METTL25: variants seen among roughly 807,000 people sequenced by gnomAD.
The protein encoded by METTL25 is probable methyltransferase-like protein 25.
METTL25 carries 64 observed loss-of-function variants against 71.6 expected under a neutral mutation model. The ratio of observed to expected loss-of-function variants is 0.89; its 90% CI spans 0.73 to 1.10. The LOEUF is 1.10. Among genes scored for constraint, METTL25 ranks in the 50% least tolerant of loss-of-function variants. The pLI, the probability that METTL25 is intolerant of heterozygous loss-of-function variation, is 0.00. For synonymous variants in METTL25, 287 were observed against 250.3 expected, an observed-to-expected ratio of 1.15 and a Z score of -1.38; for missense variants, 807 against 707.0, an observed-to-expected ratio of 1.14 and a Z score of -1.60.
At chr12:82,378,360 C>CA (rs1298849902) in intron 1 of METTL25, among the ~76,000 whole-genome samples, 3 of 152,056 alleles carry the variant, frequency 2.0e-5, no homozygotes, top group African/African-American at 7.3e-5. Context: ...CACATCATTA[C>CA]AAAAACTAAG....
At chr12:82,380,500 T>A (rs1884336005) in intron 1 of METTL25, among the ~76,000 whole-genome samples, 1 of 152,186 alleles carries the variant, frequency 6.6e-6, no homozygotes, top group Admixed American at 6.6e-5. Context: ...TGTATATGTG[T>A]ATATATGTAT....
At position 82,399,268 on chromosome 12, in the gene METTL25, A is replaced by G; in HGVS notation, c.1005A>G (p.Glu335=). 1 of 1,613,834 alleles carries G rather than the reference A, an allele frequency of 6.2e-7. No homozygotes were observed. Among genetic ancestry groups the G allele is most frequent in the African/African-American group, 1.3e-5 (1 of 75,056 alleles). ...CTTCACAGCAAATACCCAACAGAGAAACATCTGAAGCCAATAAAGAGAGAA... is the reference window on the plus strand; with the variant it reads ...CTTCACAGCAAATACCCAACAGAGAGACATCTGAAGCCAATAAAGAGAGAA... The part of the protein sequence containing the change: ...PTSSQQIPNR[E]TSEANKERRK... The change falls in exon 4 of 12, where the codon GAA becomes GAG. Residue 335 remains glutamate, a synonymous_variant. Transcript: ENST00000248306.
chr12:82,418,070 G>A (rs552193948), intron 5 of METTL25, among the ~76,000 whole-genome samples: 5 of 152,250 alleles, frequency 3.3e-5, no homozygotes, highest in East Asian at 3.9e-4. Context: ...GGAAGGTGGC[G>A]ATAGTGCAGA....
chr12:82,429,181 C>T (rs1181519006), intron 5 of METTL25, among the ~76,000 whole-genome samples: 1 of 151,610 alleles, frequency 6.6e-6, no homozygotes, highest in African/African-American at 2.4e-5. Flanking sequence ...ATCTACCTCT[C>T]TTCATCTACC....
At chr12:82,472,891 T>G (rs1892651651) in intron 9 of METTL25, among the ~76,000 whole-genome samples, 4 of 152,200 alleles carry the variant, frequency 2.6e-5, no homozygotes, top group Admixed American at 2.6e-4. Flanking sequence ...CTTTTTCATG[T>G]TTGATGTGTC....
chr12:82,367,858 A>G (rs1253813833), intron 1 of METTL25, among the ~76,000 whole-genome samples: 1 of 152,092 alleles, frequency 6.6e-6, no homozygotes, highest in Non-Finnish European at 1.5e-5. Context: ...AAGAATATGG[A>G]TTTTAGTGTC....
chr12:82,419,213 C>T (rs1311350187), intron 5 of METTL25, among the ~76,000 whole-genome samples: 1 of 151,880 alleles, frequency 6.6e-6, no homozygotes, highest in Non-Finnish European at 1.5e-5. Flanking sequence ...AAAAAAAATG[C>T]CACAAAGAAC....
chr12:82,426,382 G>A (rs1273159255), intron 5 of METTL25, among the ~76,000 whole-genome samples: 1 of 152,056 alleles, frequency 6.6e-6, no homozygotes, highest in Non-Finnish European at 1.5e-5. Context: ...GTGTTTTCCT[G>A]TAGCTTTGAG....
chr12:82,439,080 C>A, intron 8 of METTL25: 2 of 196,140 alleles, frequency 1.0e-5, no homozygotes, highest in East Asian at 2.2e-4. Flanking sequence ...AGTTCAGTGA[C>A]GATATTATAT....
chr12:82,427,124 C>T (rs904508107), intron 5 of METTL25, among the ~76,000 whole-genome samples: 3 of 151,970 alleles, frequency 2.0e-5, no homozygotes, highest in African/African-American at 7.2e-5. Flanking sequence ...ACTGCCTCTT[C>T]TCTGAAAGTT....
At chr12:82,427,244 A>C (rs1408365143) in intron 5 of METTL25, among the ~76,000 whole-genome samples, 1 of 151,928 alleles carries the variant, frequency 6.6e-6, no homozygotes, top group Non-Finnish European at 1.5e-5. Context: ...ATAAGCCTCC[A>C]TACTTCTCAT....
intron 5 of METTL25, among the ~76,000 whole-genome samples, chr12:82,407,049 A>T (rs1322182428): frequency 2.0e-5 from 3 of 151,968 alleles, no homozygotes; most frequent in Non-Finnish European, 4.4e-5. Flanking sequence ...CCTAATGTCC[A>T]TTTCAGTCAG....
At chr12:82,474,542 C>T (rs1446267042) in intron 9 of METTL25, 1 of 152,092 alleles carries the variant, frequency 6.6e-6, no homozygotes, top group Non-Finnish European at 1.5e-5. Flanking sequence ...GGGTACAGAA[C>T]CTGCAGTTAG....
intron 1 of METTL25, among the ~76,000 whole-genome samples, chr12:82,382,029 G>T (rs1404679886): frequency 6.6e-6 from 1 of 152,186 alleles, no homozygotes; most frequent in Non-Finnish European, 1.5e-5. Flanking sequence ...GGCACAAGAA[G>T]CATTTCAGGT....
chr12:82,367,650 T>C (rs1026736150), intron 1 of METTL25, among the ~76,000 whole-genome samples: 1 of 152,200 alleles, frequency 6.6e-6, no homozygotes, highest in African/African-American at 2.4e-5. Flanking sequence ...TAGACTGTAT[T>C]TCATTCATGT....
chr12:82,469,052 G>A (rs1892415623), intron 9 of METTL25: 1 of 152,148 alleles, frequency 6.6e-6, no homozygotes, highest in South Asian at 2.1e-4. Context: ...CATGGGAATG[G>A]CACCATGACA....
intron 9 of METTL25, among the ~76,000 whole-genome samples, chr12:82,473,050 A>G (rs760141935): frequency 7.3e-5 from 11 of 151,572 alleles, no homozygotes; most frequent in African/African-American, 2.4e-4. Context: ...TGGATGCAGT[A>G]GTGTAGTGTC....
At chr12:82,404,585 CA>C (rs1463411356) in intron 5 of METTL25, among the ~76,000 whole-genome samples, 1 of 152,008 alleles carries the variant, frequency 6.6e-6, no homozygotes, top group Non-Finnish European at 1.5e-5. Flanking sequence ...GTTGTTAGTT[CA>C]AGAGTTTCCT....
At position 82,386,837 on chromosome 12, in the gene METTL25, T is replaced by TTC; in HGVS notation, c.297_298dup (p.Gln100LeufsTer5). On this transcript the variant is annotated frameshift_variant, in exon 2 of 12. Transcript: ENST00000248306. LOFTEE classifies it high-confidence loss of function. ...ATTTTCCCAAAATATTTTGTGAAAC[T>TTC]TCTCAGAAGTTGGTGAGTGTGGAAG... The TTC allele has an allele frequency of 6.2e-7, 1 of 1,613,360 alleles. No individual in the cohort carries two copies. The highest frequency in any genetic ancestry group is 1.1e-5 in the South Asian group (1 of 91,042).
Sources: gnomAD v4.1 joint callset for allele counts (sites outside exome capture counted in the v4.1 genomes callset) on GRCh38, gnomAD v4.1.1 for gene constraint, MANE v1.5 for transcripts, NCBI Gene and HGNC (gene_info 2026-07-23, HGNC 2026-07-21) for gene names.